The following MYBPC3 variants were observed in gnomAD, a reference collection of about 807,000 sequenced individuals.
The protein encoded by MYBPC3 is myosin-binding protein C, cardiac-type.
In MYBPC3, 108 loss-of-function variants were observed where a neutral mutation model predicts 159.3. The ratio of observed to expected loss-of-function variants is 0.68; its 90% confidence interval spans 0.58 to 0.80. The LOEUF (loss-of-function observed/expected upper bound fraction) is 0.80. MYBPC3 is among the 30% of genes least tolerant of loss of function. The pLI is 0.00. For missense variants in MYBPC3, 1,631 were observed against 1,762.1 expected, an observed-to-expected ratio of 0.93 and a Z score of 1.33; for synonymous variants, 730 against 702.0, an observed-to-expected ratio of 1.04 and a Z score of -0.63.
rs778679153 is a variant in MYBPC3 at position 47,349,915 on chromosome 11, G to A, written c.513C>T (p.Ser171=). 1 of 1,588,830 alleles carries A rather than the reference G, an allele frequency of 6.3e-7. No homozygotes were observed. The highest frequency in any genetic ancestry group is 2.3e-5 in the East Asian group (1 of 43,788). ...PQDGEVTVGG[S]ITFSARVAGA... is the part of the protein sequence containing the mutation. ...CGGCCACGCGGGCTGAGAAGGTGAT[G>A]CTGCCACCTGCAAAGGCAGGGGCGA... The change falls in exon 5 of 35, where the codon AGC becomes AGT. Residue 171 remains serine, a synonymous_variant. Coordinates refer to ENST00000545968, the MANE Select transcript of MYBPC3 (RefSeq NM_000256.3).
At chr11:47,334,149 G>C (rs2095880119) in intron 27 of MYBPC3, 139 bp from the exon 28 acceptor site, 1 of 793,102 alleles carries the variant, frequency 1.3e-6, no homozygotes, top group East Asian at 2.7e-5. Flanking sequence ...GCCTCCTTTA[G>C]CTCCTGCTAA....
In MYBPC3 at chr11:47,338,772, G is replaced by T; in HGVS notation, c.2149-93C>A. The T allele has an allele frequency of 7.2e-7, 1 of 1,395,010 alleles. No homozygotes were observed. The highest frequency in any genetic ancestry group is 2.5e-5 in the East Asian group (1 of 40,210). 86.4% of individuals were successfully genotyped at this position (1,395,010 alleles called of 1,614,324 possible). A position where few individuals can be genotyped will look rare whatever the true frequency, so the allele number is the denominator to read the frequency against. On this transcript the variant is annotated intron_variant, in intron 22 of 34. Coordinates refer to ENST00000545968, the MANE Select transcript of MYBPC3 (RefSeq NM_000256.3). The surrounding 1 kb of genome is among the most constrained non-coding windows in gnomAD (Gnocchi z 4.7). ...AGCCAGATGTCCCGGGGGTCCATGG[G>T]GGGAACACAGCCTGTGGGAAGACTG...
chr11:47,348,365 G>T, intron 6 of MYBPC3, 59 bp downstream of exon 6: 1 of 1,268,684 alleles, frequency 7.9e-7, no homozygotes, highest in Non-Finnish European at 1.1e-6. Flanking sequence ...GGAAAAGGAG[G>T]TAGGAGACCA....
chr11:47,333,460 T>G (rs1344229639), intron 29 of MYBPC3, 97 bp downstream of exon 29: 29 of 1,537,376 alleles, frequency 1.9e-5, no homozygotes, highest in Non-Finnish European at 2.5e-5. Flanking sequence ...CTGGAAAATG[T>G]GAGCTGTGGG....
intron 1 of MYBPC3, 120 bp downstream of exon 1, chr11:47,352,503 C>T (rs999905291): frequency 2.3e-6 from 3 of 1,326,918 alleles, no homozygotes; most frequent in Admixed American, 4.6e-5. Context: ...CTGCCCCTGT[C>T]CTGGGGCTCA....
At position 47,351,189 on chromosome 11, in the gene MYBPC3, G is replaced by GGGCCCCCCCCCCCCCCC; in HGVS notation, c.292+49_292+50insGGGGGGGGGGGGGGGCC. 1 of 1,449,116 alleles carries GGGCCCCCCCCCCCCCCC rather than the reference G, an allele frequency of 6.9e-7. No homozygotes were observed. The highest frequency in any genetic ancestry group is 9.2e-7 in the Non-Finnish European group (1 of 1,087,866). The allele number at this position is 1,449,116 out of a possible 1,614,324, so 89.8% of individuals were successfully genotyped here. ...TGGATGGATGGAGAGTCGCTGGGCT[G>GGGCCCCCCCCCCCCCCC]CCCCTCCCCCAGCAGCCCAAACCTC... On this transcript the variant is annotated intron_variant, in intron 2 of 34. Coordinates refer to ENST00000545968, the MANE Select transcript of MYBPC3 (RefSeq NM_000256.3). The surrounding 1 kb of genome is among the most constrained non-coding windows in gnomAD (Gnocchi z 4.2).
Position 47,347,673 on chromosome 11 carries a change from C to T in MYBPC3, c.829G>A (p.Ala277Thr). The T allele has an allele frequency of 6.4e-7, 1 of 1,573,606 alleles. No individual in the cohort carries two copies. Reference protein sequence around the residue: ...LLSAFRRTSLAGGGRRISDSH... With the variant: ...LLSAFRRTSLTGGGRRISDSH... ...TACCTGATCCGCCGACCACCTCCAG[C>T]CAGGCTCCTGTGGGGGTTAGACTCA... Residue 277 changes from alanine to threonine, a missense_variant, in exon 8 of 35, where the codon GCT becomes ACT. Transcript: ENST00000545968.
chr11:47,342,856 T>C lies in MYBPC3; in HGVS notation c.1431A>G (p.Val477=), dbSNP rs587781042. 1.2e-6 allele frequency: 2 copies of C among 1,613,274 alleles called. No homozygotes were observed. The highest frequency in any genetic ancestry group is 2.2e-5 in the East Asian group (1 of 44,878). ...ATTTGACTTGCGCCCCCTCCTCCGA[T>C]ACTTCACACTCAAACTCCACCCGCT... ...VGQRVEFECE[V]SEEGAQVKWL... Residue 477 remains valine, a synonymous_variant, in exon 16 of 35, where the codon GTA becomes GTG. Transcript: ENST00000545968.
chr11:47,332,931 C>T lies in MYBPC3; in HGVS notation c.3373G>A (p.Val1125Met), dbSNP rs121909378. Residue 1125 changes from valine to methionine, a missense_variant, in exon 31 of 35, where the codon GTG (valine) becomes ATG (methionine). Physicochemically the swap from Val to Met is conservative, Grantham distance 21. Coordinates refer to ENST00000545968, the MANE Select transcript of MYBPC3 (RefSeq NM_000256.3). This position sits in a 1 kb window ranked among gnomAD's most constrained non-coding sequence, Gnocchi z 4.2. ...VLEHYRRTHCVVPELIIGNGY... is the reference protein window; with the variant it reads ...VLEHYRRTHCMVPELIIGNGY... ...TTGCCAATGATGAGCTCTGGCACCA[C>T]GCAGTGGGTGCGGCGGTAATGCTCC... The T allele has an allele frequency of 2.1e-5, 34 of 1,610,558 alleles. No individual in the cohort carries two copies. Among genetic ancestry groups the T allele is most frequent in the Admixed American group, 3.4e-5 (2 of 59,488 alleles).
intron 17 of MYBPC3, 59 bp downstream of exon 17, chr11:47,342,519 G>T: frequency 6.8e-7 from 1 of 1,465,148 alleles, no homozygotes; most frequent in Non-Finnish European, 9.0e-7. Context: ...GGGCTAGGTG[G>T]GGTGGGGGCT....
Position 47,346,723 on chromosome 11 carries a change from C to T in MYBPC3, c.909-79G>A. 7.0e-7 allele frequency: 1 copy of T among 1,422,562 alleles called. No individual in the cohort carries two copies. Among genetic ancestry groups the T allele is most frequent in the Non-Finnish European group, 9.5e-7 (1 of 1,052,978 alleles). 88.1% of individuals were successfully genotyped at this position (1,422,562 alleles called of 1,614,324 possible). A position where few individuals can be genotyped will look rare whatever the true frequency, so the allele number is the denominator to read the frequency against. On this transcript the variant is annotated intron_variant, in intron 10 of 34. Coordinates refer to ENST00000545968, the MANE Select transcript of MYBPC3 (RefSeq NM_000256.3). The surrounding 1 kb of genome is among the most constrained non-coding windows in gnomAD (Gnocchi z 5.3). ...CCACCTTCCCTCAAAGACCTGGACC[C>T]CACCCATGGGCCTTTACTTCCTCCC...
At chr11:47,333,781 C>T (rs1565623570) in intron 28 of MYBPC3, 29 bp from the exon 29 acceptor site, 10 of 1,575,380 alleles carry the variant, frequency 6.3e-6, no homozygotes, top group Non-Finnish European at 8.6e-6. Context: ...TAACCCTGAA[C>T]CTGGATCACT....
rs957381336 is a variant in MYBPC3, at chr11:47,350,731, C to G, written c.293-116G>C. ...TGTGGATGAGGAAAGTCTGCCATGGCTGTCCTCCCGCTGCCTGGGCCCCTC... is the reference window on the plus strand; with the variant it reads ...TGTGGATGAGGAAAGTCTGCCATGGGTGTCCTCCCGCTGCCTGGGCCCCTC... On this transcript the variant is annotated intron_variant, in intron 2 of 34. Transcript: ENST00000545968. 1.6e-5 allele frequency: 22 copies of G among 1,375,376 alleles called. No homozygotes were observed. In the African/African-American group the frequency reaches 3.4e-4, roughly 21 times the overall value. The allele number at this position is 1,375,376 out of a possible 1,614,324, so 85.2% of individuals were successfully genotyped here. A position where few individuals can be genotyped will look rare whatever the true frequency, so the allele number is the denominator to read the frequency against.
chr11:47,336,472 A>G (rs1377219668), intron 25 of MYBPC3: 1 of 147,642 alleles, frequency 6.8e-6, no homozygotes, highest in Non-Finnish European at 1.5e-5. Flanking sequence ...TCTGGGTGAC[A>G]GAGCGAGACT....
intron 17 of MYBPC3, among the ~76,000 whole-genome samples, 180 bp from the exon 18 acceptor site, chr11:47,342,336 A>T (rs1306330402): frequency 6.6e-6 from 1 of 152,216 alleles, no homozygotes; most frequent in African/African-American, 2.4e-5. Flanking sequence ...GCACATAAGG[A>T]ACCTCAAGTG....
intron 27 of MYBPC3, among the ~76,000 whole-genome samples, 152 bp downstream of exon 27, chr11:47,334,890 T>C (rs368628988): frequency 6.6e-6 from 1 of 152,172 alleles, no homozygotes; most frequent in African/African-American, 2.4e-5. Flanking sequence ...TCCCTAGGCC[T>C]AGCGCATGGA....
intron 12 of MYBPC3, among the ~76,000 whole-genome samples, chr11:47,345,083 C>A (rs2095892841): frequency 1.3e-5 from 2 of 152,242 alleles, no homozygotes; most frequent in South Asian, 4.1e-4. Flanking sequence ...AGCCACTGCA[C>A]CTGGCCAGCA....
In MYBPC3 at chr11:47,340,236, CAG is replaced by C. The variant is rs2095887084; in HGVS notation, c.1928-448_1928-447del. 5.9e-5 allele frequency among the ~76,000 whole-genome samples: 5 copies of C among 84,868 alleles called. No homozygotes were observed. In the East Asian group the frequency reaches 4.3e-3, roughly 72 times the overall value. The allele number at this position is 84,868 out of a possible 152,430, so 55.7% of individuals were successfully genotyped here. On this transcript the variant is annotated intron_variant, in intron 20 of 34. Transcript: ENST00000545968. ...ATACACATACATACACGCACACACA[CAG>C]ACACAGACACACATATATACATACA...
At position 47,338,581 on chromosome 11, in the gene MYBPC3, G is replaced by A. The variant is rs1319178519; in HGVS notation, c.2247C>T (p.Tyr749=). 3.7e-6 allele frequency: 6 copies of A among 1,614,062 alleles called. No individual in the cohort carries two copies. The South Asian group carries it at 4.4e-5, about 12-fold the overall frequency. ...CCACAGGGTTCTTCACTGTGACCGTGTAGACGCCCTCATCTTCCTTCTCTG... is the reference window on the plus strand; with the variant it reads ...CCACAGGGTTCTTCACTGTGACCGTATAGACGCCCTCATCTTCCTTCTCTG... ...EGAEKEDEGV[Y]TVTVKNPVGE... Residue 749 remains tyrosine, a synonymous_variant, in exon 23 of 35, where the codon TAC becomes TAT. Coordinates refer to ENST00000545968, the MANE Select transcript of MYBPC3 (RefSeq NM_000256.3). The surrounding 1 kb of genome is among the most constrained non-coding windows in gnomAD (Gnocchi z 4.7).
Sources: allele counts gnomAD v4.1 joint callset (sites outside exome capture counted in the v4.1 genomes callset), GRCh38; gene constraint gnomAD v4.1.1; non-coding constraint Gnocchi (gnomAD v3.1); transcripts MANE v1.5; gene names NCBI Gene and HGNC (gene_info 2026-07-23, HGNC 2026-07-21).